The following STK32B variants were observed in gnomAD, a reference collection of about 807,000 sequenced individuals.
STK32B encodes the protein serine/threonine kinase 32B.
STK32B carries 43 observed loss-of-function variants against 52.6 expected under a neutral mutation model. The observed-to-expected ratio is 0.82, with a 90% CI of 0.64 to 1.05. The LOEUF (loss-of-function observed/expected upper bound fraction) is 1.05. Among genes scored for constraint, STK32B ranks in the 50% least tolerant of loss-of-function variants. STK32B has a pLI of 0.00. For missense variants in STK32B, 621 were observed against 534.6 expected, an observed-to-expected ratio of 1.16 and a Z score of -1.59; for synonymous variants, 238 against 204.3, an observed-to-expected ratio of 1.17 and a Z score of -1.41.
chr4:5,434,921 T>C (rs940294411), intron 6 of STK32B, among the ~76,000 whole-genome samples: 1 of 152,196 alleles, frequency 6.6e-6, no homozygotes, highest in Non-Finnish European at 1.5e-5. Flanking sequence ...AACAGCTGTA[T>C]TGAGCCCTGG....
chr4:5,155,499 A>G (rs1413836410), intron 2 of STK32B, among the ~76,000 whole-genome samples: 1 of 152,174 alleles, frequency 6.6e-6, no homozygotes, highest in Non-Finnish European at 1.5e-5. Context: ...ATAGAGACAC[A>G]CATATGTATA....
intron 5 of STK32B, among the ~76,000 whole-genome samples, chr4:5,403,724 A>G (rs1737467434): frequency 6.6e-6 from 1 of 152,150 alleles, no homozygotes; most frequent in Non-Finnish European, 1.5e-5. Context: ...TTGTCAAAGC[A>G]TTGTATGTGC....
At chr4:5,193,136 G>A (rs7656634) in intron 3 of STK32B, among the ~76,000 whole-genome samples, 12,547 of 152,124 alleles carry the variant, frequency 0.082, 1,377 homozygotes, top group African/African-American at 0.25. Context: ...AGGGTGACGA[G>A]GTGATAGCTC....
intron 3 of STK32B, among the ~76,000 whole-genome samples, chr4:5,323,630 C>G (rs1443599773): frequency 3.3e-5 from 5 of 152,148 alleles, no homozygotes; most frequent in Non-Finnish European, 7.4e-5. Context: ...TGTCTTTTTT[C>G]TGTACAATGC....
intron 11 of STK32B, among the ~76,000 whole-genome samples, chr4:5,494,183 A>C (rs1429527087): frequency 6.6e-6 from 1 of 152,160 alleles, no homozygotes; most frequent in African/African-American, 2.4e-5. Flanking sequence ...GTGGGGTGTT[A>C]AAGTCTCCCA....
intron 3 of STK32B, among the ~76,000 whole-genome samples, chr4:5,264,073 T>C (rs1425891282): frequency 1.3e-5 from 2 of 152,192 alleles, no homozygotes; most frequent in African/African-American, 4.8e-5. Context: ...TAGATACACA[T>C]GTGGGTTGTT....
intron 2 of STK32B, among the ~76,000 whole-genome samples, chr4:5,159,542 T>TATATATATGA (rs1560185633): frequency 9.7e-6 from 1 of 102,942 alleles, no homozygotes; most frequent in African/African-American, 4.0e-5. Flanking sequence ...TGTATATATG[T>TATATATATGA]ATATATATGA....
At chr4:5,197,219 G>T (rs910731597) in intron 3 of STK32B, among the ~76,000 whole-genome samples, 1 of 152,156 alleles carries the variant, frequency 6.6e-6, no homozygotes, top group Non-Finnish European at 1.5e-5. Context: ...TCACTCTGTG[G>T]GAAGTGTTCA....
chr4:5,444,377 G>A lies in STK32B; in HGVS notation c.563-2296G>A, dbSNP rs181712889. Among the ~76,000 whole-genome samples the A allele has an allele frequency of 6.0e-4, 92 of 152,302 alleles. 1 individual carries two copies. The highest frequency in any genetic ancestry group is 1.9e-3 in the African/African-American group (81 of 41,582). On this transcript the variant is annotated intron_variant, in intron 6 of 11. Coordinates refer to ENST00000282908, the MANE Select transcript of STK32B (RefSeq NM_018401.3). ...TGACCCGATTTTCCAGGTGCCGTCC[G>A]TCACCCCTTTCTTTGACTCGGAAAG... is the stretch of plus-strand genomic sequence containing the variant.
At chr4:5,312,029 C>T (rs1009754405) in intron 3 of STK32B, among the ~76,000 whole-genome samples, 3 of 151,262 alleles carry the variant, frequency 2.0e-5, no homozygotes, top group African/African-American at 7.3e-5. Flanking sequence ...CTTCTTCATT[C>T]TTCTCTCCAT....
chr4:5,299,043 G>A (rs2108893730), intron 3 of STK32B, among the ~76,000 whole-genome samples: 1 of 152,050 alleles, frequency 6.6e-6, no homozygotes, highest in South Asian at 2.1e-4. Context: ...CCTTGGCTAG[G>A]GGAGGGAGTT....
At chr4:5,492,513 G>T (rs531338529) in intron 11 of STK32B, among the ~76,000 whole-genome samples, 3 of 151,726 alleles carry the variant, frequency 2.0e-5, no homozygotes, top group African/African-American at 7.3e-5. Context: ...CAATCATGTC[G>T]TCTGCAAAGA....
In STK32B at chr4:5,380,388, A is replaced by G. The variant is rs978657892; in HGVS notation, c.435-17819A>G. On this transcript the variant is annotated intron_variant, in intron 4 of 11. Transcript: ENST00000282908. This position sits in a 1 kb window ranked among gnomAD's most constrained non-coding sequence, Gnocchi z 4.3. ...AGGCTTCTGCATTTAAAATTATACT[A>G]TGAAATAGAAGAGCATTACTCTGAA... is the stretch of plus-strand genomic sequence containing the variant. 2.6e-5 allele frequency among the ~76,000 whole-genome samples: 4 copies of G among 152,216 alleles called. No individual in the cohort carries two copies. The highest frequency in any genetic ancestry group is 3.9e-4 in the East Asian group (2 of 5,164).
At chr4:5,126,341 A>C (rs1304160364) in intron 1 of STK32B, among the ~76,000 whole-genome samples, 1 of 152,008 alleles carries the variant, frequency 6.6e-6, no homozygotes, top group Non-Finnish European at 1.5e-5. Flanking sequence ...CTTGTCGGTA[A>C]TACTACTTAG....
intron 3 of STK32B, among the ~76,000 whole-genome samples, chr4:5,196,212 G>T (rs1397812454): frequency 1.4e-4 from 22 of 152,098 alleles, no homozygotes; most frequent in Admixed American, 1.4e-3. Context: ...TAGCACAGGT[G>T]GTGCACAGCC....
intron 1 of STK32B, among the ~76,000 whole-genome samples, chr4:5,064,277 AT>A (rs1190944439): frequency 2.7e-5 from 4 of 145,534 alleles, no homozygotes; most frequent in East Asian, 4.0e-4. Flanking sequence ...TATGATATAT[AT>A]TTATTATATA....
intron 3 of STK32B, among the ~76,000 whole-genome samples, chr4:5,212,807 A>C (rs988005092): frequency 6.6e-6 from 1 of 152,154 alleles, no homozygotes; most frequent in Non-Finnish European, 1.5e-5. Context: ...AAATTTCATG[A>C]GTGATGAGTT....
At position 5,400,232 on chromosome 4, in the gene STK32B, G is replaced by A. The variant is rs1737203510; in HGVS notation, c.472+1988G>A. On this transcript the variant is annotated intron_variant, in intron 5 of 11. Coordinates refer to ENST00000282908, the MANE Select transcript of STK32B (RefSeq NM_018401.3). The surrounding 1 kb of genome is among the most constrained non-coding windows in gnomAD (Gnocchi z 6.1). ...CTGCACAAAAGATATAGGCAGGCGG[G>A]CTGCTCCCAGGCAGCCTCCCCTAGG... Among the ~76,000 whole-genome samples, 1 of 152,194 alleles carries A rather than the reference G, an allele frequency of 6.6e-6. No homozygotes were observed. The highest frequency in any genetic ancestry group is 6.5e-5 in the Admixed American group (1 of 15,282).
At chr4:5,221,525 A>G (rs1723537268) in intron 3 of STK32B, among the ~76,000 whole-genome samples, 2 of 152,138 alleles carry the variant, frequency 1.3e-5, no homozygotes, top group Non-Finnish European at 2.9e-5. Context: ...CAGGTGGGAG[A>G]GAAATAACTA....
Sources: allele counts gnomAD v4.1 joint callset (sites outside exome capture counted in the v4.1 genomes callset), GRCh38; gene constraint gnomAD v4.1.1; non-coding constraint Gnocchi (gnomAD v3.1); transcripts MANE v1.5; gene names NCBI Gene and HGNC (gene_info 2026-07-23, HGNC 2026-07-21).